SCN1A: variants seen among roughly 807,000 people sequenced by gnomAD.
The protein encoded by SCN1A is sodium voltage-gated channel alpha subunit 1, also known as sodium channel protein type 1 subunit alpha.
In SCN1A, 13 loss-of-function variants were observed where a neutral mutation model predicts 193.7. The ratio of observed to expected loss-of-function variants is 0.07; its 90% CI spans 0.04 to 0.11. The LOEUF is 0.11. SCN1A is among the 10% of genes least tolerant of loss of function. SCN1A has a pLI of 1.00. For missense variants in SCN1A, 1,432 were observed against 2,451.1 expected, an observed-to-expected ratio of 0.58 and a Z score of 8.78; for synonymous variants, 781 against 843.6, an observed-to-expected ratio of 0.93 and a Z score of 1.29.
intron 20 of SCN1A, 136 bp downstream of exon 20, chr2:166,015,471 T>C: frequency 9.5e-7 from 1 of 1,049,184 alleles, no homozygotes; most frequent in Admixed American, 1.9e-5. Flanking sequence ...TTTTTTTGTC[T>C]GTCAACATAT....
At chr2:166,148,360 G>A (rs1286683810) in intron 1 of SCN1A, among the ~76,000 whole-genome samples, 1 of 152,142 alleles carries the variant, frequency 6.6e-6, no homozygotes, top group Non-Finnish European at 1.5e-5. Context: ...AGGACACAGT[G>A]TGAGAGTCTA....
upstream of SCN1A, among the ~76,000 whole-genome samples, chr2:166,129,049 G>C (rs1315793516): frequency 2.6e-5 from 4 of 152,002 alleles, no homozygotes; most frequent in Non-Finnish European, 4.4e-5. Flanking sequence ...TACAATCATT[G>C]CATGTGTTTT....
chr2:165,988,192 G>T lies in SCN1A; in HGVS notation c.*3053C>A, dbSNP rs1018249268. ...CATGATATCTGTGAATTCTGCACTG[G>T]ACTTCACTGTGGTTCCCCCAGTTAC... On this transcript the variant is annotated 3_prime_UTR_variant, in exon 29 of 29. Transcript: ENST00000674923. 2 of 151,944 alleles carry T rather than the reference G, an allele frequency of 1.3e-5. No homozygotes were observed. The highest frequency in any genetic ancestry group is 2.9e-5 in the Non-Finnish European group (2 of 67,996). 9.4% of individuals were successfully genotyped at this position (151,944 alleles called of 1,614,324 possible). A position where few individuals can be genotyped will look rare whatever the true frequency, so the allele number is the denominator to read the frequency against.
intron 23 of SCN1A, among the ~76,000 whole-genome samples, chr2:166,007,930 G>A (rs973480351): frequency 2.6e-5 from 4 of 150,990 alleles, no homozygotes; most frequent in African/African-American, 7.3e-5. Context: ...CCAAACACTA[G>A]AAGTATAAAA....
rs1064794630 is a variant in SCN1A at position 165,992,000 on chromosome 2, G to A, written c.5275C>T (p.Pro1759Ser). The A allele has an allele frequency of 1.9e-6, 3 of 1,613,812 alleles. No individual in the cohort carries two copies. The highest frequency in any genetic ancestry group is 2.2e-5 in the South Asian group (2 of 91,092). Residue 1759 changes from proline (P) to serine (S), a missense_variant, in exon 29 of 29, where the codon CCA (proline) becomes TCA (serine). Physicochemically the swap from Pro to Ser is moderately conservative, Grantham distance 74. Coordinates refer to ENST00000674923, the MANE Select transcript of SCN1A (RefSeq NM_001165963.4). ...ACAAAAAAGAAAATTCCAACAGATGGGTTCCCACAGTCTCCCTTAACTGAG... is the reference window on the plus strand; with the variant it reads ...ACAAAAAAGAAAATTCCAACAGATGAGTTCCCACAGTCTCCCTTAACTGAG... ...GSSVKGDCGN[P>S]SVGIFFFVSY... is the part of the protein sequence containing the mutation.
chr2:166,071,234 T>C (rs7580694), intron 4 of SCN1A, among the ~76,000 whole-genome samples: 4,219 of 152,294 alleles, frequency 0.028, 219 homozygotes, highest in African/African-American at 0.098. Context: ...ACAAATAAAG[T>C]CCTTGTAGTT....
intron 2 of SCN1A, among the ~76,000 whole-genome samples, chr2:166,088,526 C>T (rs767212303): frequency 5.7e-4 from 87 of 152,246 alleles, no homozygotes; most frequent in Non-Finnish European, 2.5e-4. Context: ...TTGTTATCCT[C>T]AATAGCAGGT....
intron 2 of SCN1A, among the ~76,000 whole-genome samples, chr2:166,101,074 G>T: frequency 8.7e-6 from 1 of 115,134 alleles, no homozygotes; most frequent in East Asian, 2.7e-4. Flanking sequence ...GTTTATTGCG[G>T]CATTATTCAC....
At chr2:166,089,708 G>A (rs926728724) in intron 2 of SCN1A, among the ~76,000 whole-genome samples, 1 of 152,072 alleles carries the variant, frequency 6.6e-6, no homozygotes, top group African/African-American at 2.4e-5. Context: ...AAGATGGAAT[G>A]GGGGTAGAGA....
At chr2:166,099,380 C>T (rs1414328836) in intron 2 of SCN1A, among the ~76,000 whole-genome samples, 1 of 150,830 alleles carries the variant, frequency 6.6e-6, no homozygotes, top group Non-Finnish European at 1.5e-5. Context: ...TAAGAGCTAT[C>T]TATGACAAAC....
chr2:166,028,893 A>G (rs1433768931), intron 19 of SCN1A, among the ~76,000 whole-genome samples: 1 of 152,134 alleles, frequency 6.6e-6, no homozygotes, highest in African/African-American at 2.4e-5. Flanking sequence ...AGTAGTATAG[A>G]GTATATTGAG....
At chr2:166,014,372 T>C (rs963418397) in intron 20 of SCN1A, among the ~76,000 whole-genome samples, 1 of 151,644 alleles carries the variant, frequency 6.6e-6, no homozygotes, top group Non-Finnish European at 1.5e-5. Flanking sequence ...GAAGGGCTTA[T>C]GTAATTTGCA....
At position 166,045,081 on chromosome 2, in the gene SCN1A, G is replaced by C. The variant is rs138877187; in HGVS notation, c.1624C>G (p.Arg542Gly). The C allele has an allele frequency of 6.2e-7, 1 of 1,613,932 alleles. No homozygotes were observed. Among genetic ancestry groups the C allele is most frequent in the Non-Finnish European group, 8.5e-7 (1 of 1,179,984 alleles). Residue 542 changes from arginine to glycine, a missense_variant, in exon 13 of 29, where the codon CGA becomes GGA. Around this residue, in one of 18 missense-constraint regions of SCN1A, gnomAD observed 316 missense variants for 362.1 expected, o/e 0.87. Coordinates refer to ENST00000674923, the MANE Select transcript of SCN1A (RefSeq NM_001165963.4). ...GAGTACCTCTTTTCATATGTCAATC[G>C]GTTCCCTTCAATGGAGAAGCGAAAA... Reference protein sequence around the residue: ...KGFRFSIEGNRLTYEKRYSSP... With the variant: ...KGFRFSIEGNGLTYEKRYSSP...
At chr2:166,148,045 G>T (rs923067115) in intron 1 of SCN1A, among the ~76,000 whole-genome samples, 1 of 152,132 alleles carries the variant, frequency 6.6e-6, no homozygotes, top group Admixed American at 6.5e-5. Flanking sequence ...TTGAGATCAC[G>T]TAGACAGTTT....
chr2:165,994,475 TA>T (rs1689739404), intron 27 of SCN1A, 59 bp from the exon 28 acceptor site: 1 of 1,506,454 alleles, frequency 6.6e-7, no homozygotes, highest in African/African-American at 1.4e-5. Context: ...GCATTAGCAT[TA>T]AGTACTTTCT....
chr2:166,009,735 C>T lies in SCN1A; in HGVS notation c.3986G>A (p.Arg1329Gln), dbSNP rs1032633248. The part of the protein sequence containing the change: ...RALRPLRALS[R>Q]FEGMRVVVNA... ...TTTTCTTACCCTCATCCCTTCAAAT[C>T]GAGATAAGGCTCTTAGAGGTCTCAG... Residue 1329 changes from arginine (R) to glutamine (Q), a missense_variant, in exon 23 of 29, where the codon CGA (arginine) becomes CAA (glutamine). Transcript: ENST00000674923. The T allele has an allele frequency of 4.4e-6, 7 of 1,605,548 alleles. No homozygotes were observed. The highest frequency in any genetic ancestry group is 5.1e-6 in the Non-Finnish European group (6 of 1,174,242).
chr2:166,053,408 G>A (rs1297370105), intron 7 of SCN1A, among the ~76,000 whole-genome samples: 4 of 151,870 alleles, frequency 2.6e-5, no homozygotes, highest in African/African-American at 9.7e-5. Flanking sequence ...ATGGTTTAGG[G>A]TTTTAGTTAG....
Position 166,041,482 on chromosome 2 carries a change from A to AAG in SCN1A, c.2177-14_2177-13insCT. On this transcript the variant is annotated splice_polypyrimidine_tract_variant and intron_variant, in intron 15 of 28. Transcript: ENST00000674923. ...GATTCTTCAAGTTCTAGATTAAGAAAAAAAAAAAAAAGAACCACCAAAAGG... is the reference window on the plus strand; with the variant it reads ...GATTCTTCAAGTTCTAGATTAAGAAAAGAAAAAAAAAAAGAACCACCAAAAGG... 1 of 1,454,916 alleles carries AAG rather than the reference A, an allele frequency of 6.9e-7. No homozygotes were observed. The highest frequency in any genetic ancestry group is 1.8e-5 in the Admixed American group (1 of 54,380). 90.1% of individuals were successfully genotyped at this position (1,454,916 alleles called of 1,614,324 possible).
At chr2:166,146,437 A>T (rs376271944) in intron 1 of SCN1A, among the ~76,000 whole-genome samples, 3 of 152,346 alleles carry the variant, frequency 2.0e-5, no homozygotes, top group East Asian at 3.9e-4. Context: ...GAGCTAATCT[A>T]GGTCAGTGGT....
Sources: allele counts gnomAD v4.1 joint callset (sites outside exome capture counted in the v4.1 genomes callset), GRCh38; gene constraint gnomAD v4.1.1; regional missense constraint gnomAD v4.1.1; transcripts MANE v1.5; gene names NCBI Gene and HGNC (gene_info 2026-07-23, HGNC 2026-07-21).